The following GCN1 variants were observed in gnomAD, a reference collection of about 807,000 sequenced individuals.
The protein encoded by GCN1 is stalled ribosome sensor GCN1.
A neutral mutation model predicts 288.4 loss-of-function variants in GCN1; 90 were observed. The ratio of observed to expected loss-of-function variants is 0.31; its 90% CI spans 0.26 to 0.37. GCN1 has a LOEUF of 0.37. Among genes scored for constraint, GCN1 ranks in the 10% least tolerant of loss-of-function variants. The probability of loss-of-function intolerance (pLI) is 1.00; values close to 1 mark genes in which losing one functional copy is unlikely to be tolerated. For missense variants in GCN1, 2,586 were observed against 3,419.9 expected, an observed-to-expected ratio of 0.76 and a Z score of 6.08; for synonymous variants, 1,386 against 1,420.2, an observed-to-expected ratio of 0.98 and a Z score of 0.54.
intron 53 of GCN1, among the ~76,000 whole-genome samples, chr12:120,133,465 T>C (rs1236879526): frequency 6.6e-6 from 1 of 152,192 alleles, no homozygotes; most frequent in Non-Finnish European, 1.5e-5. Context: ...TGGACTCTAC[T>C]ACTTGCTGGG....
intron 5 of GCN1, among the ~76,000 whole-genome samples, chr12:120,181,425 A>C (rs1878653483): frequency 7.6e-6 from 1 of 131,608 alleles, no homozygotes; most frequent in South Asian, 2.6e-4. Flanking sequence ...AGATCATGCC[A>C]CTGTGCTCCA....
At chr12:120,180,002 T>C (rs1878599755) in intron 5 of GCN1, among the ~76,000 whole-genome samples, 1 of 152,156 alleles carries the variant, frequency 6.6e-6, no homozygotes, top group African/African-American at 2.4e-5. Flanking sequence ...TAATAGGTCC[T>C]TGACTAAAAA....
intron 2 of GCN1, among the ~76,000 whole-genome samples, chr12:120,187,118 G>A (rs1878845800): frequency 6.6e-6 from 1 of 152,158 alleles, no homozygotes; most frequent in Non-Finnish European, 1.5e-5. Context: ...GGCATAAGCA[G>A]GTCAGAAGCA....
intron 36 of GCN1, among the ~76,000 whole-genome samples, chr12:120,148,567 T>G (rs1166800498): frequency 1.3e-5 from 2 of 152,172 alleles, no homozygotes; most frequent in Admixed American, 6.5e-5. Flanking sequence ...CAGGGCAGTA[T>G]GGGAGAAAGA....
At chr12:120,179,073 C>T (rs1360872502) in intron 5 of GCN1, 123 bp from the exon 6 acceptor site, 1 of 739,828 alleles carries the variant, frequency 1.4e-6, no homozygotes, top group Non-Finnish European at 2.3e-6. Context: ...CACTCAGCCT[C>T]TCCCACTCAA....
Position 120,160,266 on chromosome 12 carries a change from T to C in GCN1, c.2437-11A>G, listed in dbSNP as rs780792910. On this transcript the variant is annotated splice_polypyrimidine_tract_variant and intron_variant, in intron 22 of 57. Transcript: ENST00000300648. Reference sequence around the variant, plus strand: ...CTTCTTCTTTATCTCCTAAAGAGGATGGGCAAACCAACCAATCCCATCTCC... The same window carrying C: ...CTTCTTCTTTATCTCCTAAAGAGGACGGGCAAACCAACCAATCCCATCTCC... The C allele has an allele frequency of 5.1e-6, 8 of 1,579,702 alleles. No homozygotes were observed. Among genetic ancestry groups the C allele is most frequent in the East Asian group, 2.2e-5 (1 of 44,704 alleles).
chr12:120,190,440 T>C (rs1438846723), intron 1 of GCN1, 40 bp from the exon 2 acceptor site: 2 of 1,059,394 alleles, frequency 1.9e-6, no homozygotes, highest in Admixed American at 1.7e-5. Flanking sequence ...CTAGTCAGAC[T>C]ATAAAACTAT....
intron 1 of GCN1, among the ~76,000 whole-genome samples, chr12:120,193,032 G>A (rs937878019): frequency 4.0e-5 from 6 of 151,622 alleles, no homozygotes; most frequent in Non-Finnish European, 7.4e-5. Flanking sequence ...GAGAAACTCC[G>A]TCTCAAAAAA....
At chr12:120,168,626 G>A (rs1370364683) in intron 15 of GCN1, among the ~76,000 whole-genome samples, 2 of 152,142 alleles carry the variant, frequency 1.3e-5, no homozygotes, top group Non-Finnish European at 2.9e-5. Flanking sequence ...GGGCTGTTTG[G>A]ACTCACACTG....
In GCN1 at chr12:120,155,666, A is replaced by G. The variant is rs756408367; in HGVS notation, c.3366T>C (p.Asn1122=). The change falls in exon 29 of 58, where the codon AAT becomes AAC. Residue 1122 remains asparagine (N), a synonymous_variant. Transcript: ENST00000300648. The surrounding 1 kb of genome is among the most constrained non-coding windows in gnomAD (Gnocchi z 4.9). The part of the protein sequence containing the change: ...VLPAPDTDEK[N]GLNLLRRLWV... ...AGAGTCTCCGCAGAAGGTTCAGGCC[A>G]TTCTTCTCATCAGTATCAGGTGCTG... 6.2e-7 allele frequency: 1 copy of G among 1,613,926 alleles called. No individual in the cohort carries two copies. Among genetic ancestry groups the G allele is most frequent in the Non-Finnish European group, 8.5e-7 (1 of 1,179,894 alleles).
intron 2 of GCN1, among the ~76,000 whole-genome samples, chr12:120,187,093 T>C (rs1298781555): frequency 6.6e-6 from 1 of 152,176 alleles, no homozygotes; most frequent in Non-Finnish European, 1.5e-5. Flanking sequence ...GTTTACAAGC[T>C]TGGGTATCTT....
chr12:120,181,546 T>A (rs562917469), intron 5 of GCN1, among the ~76,000 whole-genome samples: 1 of 151,272 alleles, frequency 6.6e-6, no homozygotes, highest in East Asian at 1.9e-4. Flanking sequence ...TTTTTAAAAG[T>A]AGGCTGGGCA....
rs1566294382 is a variant in GCN1, at chr12:120,128,004, TAGTC to T, written c.7891-34_7891-31del. On this transcript the variant is annotated intron_variant, in intron 57 of 57. Transcript: ENST00000300648. Reference sequence around the variant, plus strand: ...GGGGAAGGATGAGCAGGAGGAAACATAGTCAGAACATACGGCTGCCACGTTCTCC... The same window carrying T: ...GGGGAAGGATGAGCAGGAGGAAACATAGAACATACGGCTGCCACGTTCTCC... The T allele has an allele frequency of 1.9e-6, 3 of 1,611,384 alleles. No homozygotes were observed. In the South Asian group the frequency reaches 3.3e-5, roughly 18 times the overall value.
In GCN1 at chr12:120,187,803, C is replaced by T. The variant is rs1254824498; in HGVS notation, c.121+2495G>A. ...GAGAATTTTTATCTCTAACAAGTTC[C>T]AAGATGATGCTGATGCTGCCTGTCC... On this transcript the variant is annotated intron_variant, in intron 2 of 57. Coordinates refer to ENST00000300648, the MANE Select transcript of GCN1 (RefSeq NM_006836.2). Among the ~76,000 whole-genome samples, 6 of 148,998 alleles carry T rather than the reference C, an allele frequency of 4.0e-5. 1 individual carries two copies. The Admixed American group carries it at 4.1e-4, about 10-fold the overall frequency.
Position 120,134,494 on chromosome 12 carries a change from C to T in GCN1, c.7202+39G>A, listed in dbSNP as rs749716758. 3 of 1,603,780 alleles carry T rather than the reference C, an allele frequency of 1.9e-6. No individual in the cohort carries two copies. The highest frequency in any genetic ancestry group is 2.2e-5 in the South Asian group (2 of 90,792). ...AGGCTCGGCCCACAGCAACCCCTGG[C>T]CTCCTGGAGGCCACAGTGCTCCCTT... On this transcript the variant is annotated intron_variant, in intron 52 of 57. Coordinates refer to ENST00000300648, the MANE Select transcript of GCN1 (RefSeq NM_006836.2). The surrounding 1 kb of genome is among the most constrained non-coding windows in gnomAD (Gnocchi z 5.0).
At chr12:120,133,139 C>T (rs893309841) in intron 53 of GCN1, among the ~76,000 whole-genome samples, 2 of 152,116 alleles carry the variant, frequency 1.3e-5, no homozygotes, top group African/African-American at 2.4e-5. Flanking sequence ...CAGAACTAGG[C>T]CTTTGGAGCC....
Position 120,144,376 on chromosome 12 carries a change from C to T in GCN1, c.5425G>A (p.Ala1809Thr), listed in dbSNP as rs1418487128. ...AGCAGCAGGGCGATGGCTGTCTCAG[C>T]GTACATGGAGATAACCCGCTGGCCC... ...RAGQRVISMY[A>T]ETAIALLLPQ... The change falls in exon 42 of 58, where the codon GCT (alanine) becomes ACT (threonine). Residue 1809 changes from alanine to threonine, a missense_variant. Physicochemically the swap from Ala to Thr is moderately conservative, Grantham distance 58. This residue lies in a region of GCN1 where 371 missense variants were observed against 572.6 expected (regional missense o/e 0.65). Transcript: ENST00000300648. This position sits in a 1 kb window ranked among gnomAD's most constrained non-coding sequence, Gnocchi z 4.7. 8 of 1,614,200 alleles carry T rather than the reference C, an allele frequency of 5.0e-6. No homozygotes were observed. The highest frequency in any genetic ancestry group is 6.8e-6 in the Non-Finnish European group (8 of 1,179,992).
At chr12:120,138,575 C>A in intron 46 of GCN1, 120 bp downstream of exon 46, 1 of 1,103,308 alleles carries the variant, frequency 9.1e-7, no homozygotes, top group Non-Finnish European at 1.4e-6. Flanking sequence ...TCTTGCTATA[C>A]CCACTCCCTC....
chr12:120,167,282 G>A (rs1189661399), intron 16 of GCN1, among the ~76,000 whole-genome samples: 2 of 151,348 alleles, frequency 1.3e-5, no homozygotes, highest in Admixed American at 6.6e-5. Flanking sequence ...GAACCCAGGG[G>A]GAGAGGTTGC....
Sources: gnomAD v4.1 joint callset for allele counts (sites outside exome capture counted in the v4.1 genomes callset) on GRCh38, gnomAD v4.1.1 for gene constraint, gnomAD v4.1.1 regional missense constraint, Gnocchi (gnomAD v3.1) non-coding constraint, MANE v1.5 for transcripts, NCBI Gene and HGNC (gene_info 2026-07-23, HGNC 2026-07-21) for gene names.